The following TRIP4 variants were observed in gnomAD, a reference collection of about 807,000 sequenced individuals.
TRIP4 encodes activating signal cointegrator 1.
TRIP4 carries 54 observed loss-of-function variants against 81.8 expected under a neutral mutation model. The ratio of observed to expected loss-of-function variants is 0.66; its 90% confidence interval spans 0.53 to 0.83. The LOEUF (loss-of-function observed/expected upper bound fraction) is 0.83, where lower values mean the gene tolerates loss of function less well. TRIP4 is among the 40% of genes least tolerant of loss of function. TRIP4 has a pLI of 0.00. For synonymous variants in TRIP4, 270 were observed against 242.8 expected, an observed-to-expected ratio of 1.11 and a Z score of -1.04; for missense variants, 662 against 683.6, an observed-to-expected ratio of 0.97 and a Z score of 0.35.
chr15:64,417,032 G>A (rs895774695), intron 8 of TRIP4, among the ~76,000 whole-genome samples: 1 of 152,040 alleles, frequency 6.6e-6, no homozygotes, highest in African/African-American at 2.4e-5. Flanking sequence ...TTTTGAGACA[G>A]GATATTGTTC....
chr15:64,409,795 A>T lies in TRIP4; in HGVS notation c.1010A>T (p.Glu337Val). The change falls in exon 7 of 13, where the codon GAA (glutamate) becomes GTA (valine). Residue 337 changes from glutamate to valine, a missense_variant. Coordinates refer to ENST00000261884, the MANE Select transcript of TRIP4 (RefSeq NM_016213.5). Reference sequence around the variant, plus strand: ...GACTTTGCAGGAAGGAAGATCCTGGAAGAAGAAAATTCACTAGCAGAGTAT... The same window carrying T: ...GACTTTGCAGGAAGGAAGATCCTGGTAGAAGAAAATTCACTAGCAGAGTAT... Reference protein sequence around the residue: ...TIDFAGRKILEEENSLAEYHS... With the variant: ...TIDFAGRKILVEENSLAEYHS... The T allele has an allele frequency of 1.2e-6, 2 of 1,614,122 alleles. No homozygotes were observed. Among genetic ancestry groups the T allele is most frequent in the East Asian group, 2.2e-5 (1 of 44,888 alleles).
chr15:64,432,203 T>G (rs2140305506), intron 11 of TRIP4, among the ~76,000 whole-genome samples: 1 of 152,114 alleles, frequency 6.6e-6, no homozygotes, highest in Non-Finnish European at 1.5e-5. Context: ...TGTTTTCTGT[T>G]GTACTTATCC....
At chr15:64,408,045 C>T (rs1249686311) in intron 6 of TRIP4, among the ~76,000 whole-genome samples, 1 of 147,996 alleles carries the variant, frequency 6.8e-6, no homozygotes, top group Non-Finnish European at 1.5e-5. Flanking sequence ...TACAGTGAGG[C>T]GAGATTAATC....
In TRIP4 at chr15:64,406,364, C is replaced by T. The variant is rs1299583722; in HGVS notation, c.732C>T (p.Thr244=). 1 of 1,614,124 alleles carries T rather than the reference C, an allele frequency of 6.2e-7. No homozygotes were observed. The highest frequency in any genetic ancestry group is 8.5e-7 in the Non-Finnish European group (1 of 1,180,020). ...ATTCTGGAAAGGTGGACATCTCTAC[C>T]AAGGACCTTCTTCCTCATCAAGAAT... ...VENSGKVDIS[T]KDLLPHQELR... Residue 244 remains threonine (T), a synonymous_variant, in exon 6 of 13, where the codon ACC becomes ACT. Transcript: ENST00000261884.
chr15:64,439,512 C>CTTTTTTTTTT (rs71895300), intron 11 of TRIP4, among the ~76,000 whole-genome samples: 1 of 47,928 alleles, frequency 2.1e-5, no homozygotes, highest in Non-Finnish European at 3.3e-5. Flanking sequence ...ACTTATAAAT[C>CTTTTTTTTTT]TTTTTTTTTT....
intron 10 of TRIP4, among the ~76,000 whole-genome samples, chr15:64,425,240 C>T (rs900607153): frequency 1.1e-4 from 16 of 151,960 alleles, no homozygotes; most frequent in Middle Eastern, 3.4e-3. Context: ...GATCCAATGG[C>T]GTATAGTAGA....
intron 9 of TRIP4, among the ~76,000 whole-genome samples, chr15:64,419,384 G>A (rs760160883): frequency 2.6e-5 from 4 of 151,314 alleles, no homozygotes; most frequent in African/African-American, 7.3e-5. Context: ...TTTAAAGACC[G>A]AGTCTTGCTC....
At chr15:64,427,661 C>T (rs1446540437) in intron 11 of TRIP4, among the ~76,000 whole-genome samples, 1 of 152,208 alleles carries the variant, frequency 6.6e-6, no homozygotes, top group Admixed American at 6.5e-5. Flanking sequence ...TAGGTGTGAG[C>T]CACTGTGGCC....
At chr15:64,454,261 A>G (rs1043324127) in intron 12 of TRIP4, among the ~76,000 whole-genome samples, 1 of 152,246 alleles carries the variant, frequency 6.6e-6, no homozygotes, top group South Asian at 2.1e-4. Context: ...GGCCAGACAG[A>G]CAGGAATTCT....
intron 3 of TRIP4, among the ~76,000 whole-genome samples, chr15:64,395,804 G>A (rs190832520): frequency 1.3e-4 from 20 of 149,202 alleles, no homozygotes; most frequent in African/African-American, 3.7e-4. Context: ...GCAGTGGTGC[G>A]ATCTCTGCTC....
chr15:64,420,415 C>T (rs1891986231), intron 9 of TRIP4, among the ~76,000 whole-genome samples: 1 of 152,092 alleles, frequency 6.6e-6, no homozygotes, highest in African/African-American at 2.4e-5. Flanking sequence ...GCCAATGCGC[C>T]CGGCTGTTTC....
At chr15:64,392,994 G>A (rs530270490) in intron 1 of TRIP4, among the ~76,000 whole-genome samples, 2 of 152,084 alleles carry the variant, frequency 1.3e-5, no homozygotes, top group East Asian at 3.9e-4. Flanking sequence ...CCATTACACT[G>A]TGAAAAGAAT....
chr15:64,422,314 C>T (rs1211753530), intron 9 of TRIP4, among the ~76,000 whole-genome samples: 1 of 152,118 alleles, frequency 6.6e-6, no homozygotes, highest in African/African-American at 2.4e-5. Context: ...TGCTCTTTCC[C>T]CTCTACTGTT....
chr15:64,442,654 A>G (rs1892543838), intron 11 of TRIP4, among the ~76,000 whole-genome samples: 1 of 151,702 alleles, frequency 6.6e-6, no homozygotes, highest in South Asian at 2.1e-4. Context: ...ATCAAGTTCT[A>G]CTACAGATAG....
intron 1 of TRIP4, among the ~76,000 whole-genome samples, chr15:64,393,143 G>A (rs1201125881): frequency 6.7e-6 from 1 of 148,156 alleles, no homozygotes; most frequent in East Asian, 2.0e-4. Flanking sequence ...TCAGTGTCTT[G>A]TATGTTAATT....
At chr15:64,441,507 C>T (rs1199400259) in intron 11 of TRIP4, among the ~76,000 whole-genome samples, 1 of 151,894 alleles carries the variant, frequency 6.6e-6, no homozygotes, top group Admixed American at 6.6e-5. Flanking sequence ...GGCGTGGTGG[C>T]TCACGCCTGT....
intron 3 of TRIP4, among the ~76,000 whole-genome samples, chr15:64,397,170 T>C (rs751797029): frequency 3.3e-5 from 5 of 152,234 alleles, no homozygotes; most frequent in Non-Finnish European, 7.3e-5. Context: ...TTGTATTATC[T>C]GTCCTTTTCT....
intron 12 of TRIP4, among the ~76,000 whole-genome samples, chr15:64,452,919 G>A (rs568290090): frequency 7.4e-4 from 112 of 152,156 alleles, no homozygotes; most frequent in African/African-American, 2.5e-3. Flanking sequence ...GGTGGCTCAC[G>A]CCTGTAATCC....
At position 64,394,096 on chromosome 15, in the gene TRIP4, G is replaced by A; in HGVS notation, c.252G>A (p.Gln84=). The part of the protein sequence containing the change: ...NDQELISDPL[Q]QCFKKDEILD... ...AGGAGTTGATTTCGGATCCTTTGCA[G>A]CAGTGCTTCAAAAAAGATGGTAAGT... The change falls in exon 2 of 13, where the codon CAG becomes CAA. Residue 84 remains glutamine, a synonymous_variant. Coordinates refer to ENST00000261884, the MANE Select transcript of TRIP4 (RefSeq NM_016213.5). 6.3e-7 allele frequency: 1 copy of A among 1,599,250 alleles called. No homozygotes were observed. The highest frequency in any genetic ancestry group is 8.5e-7 in the Non-Finnish European group (1 of 1,172,884).
Sources: allele counts gnomAD v4.1 joint callset (sites outside exome capture counted in the v4.1 genomes callset), GRCh38; gene constraint gnomAD v4.1.1; transcripts MANE v1.5; gene names NCBI Gene and HGNC (gene_info 2026-07-23, HGNC 2026-07-21).